PPIH: variants seen among roughly 807,000 people sequenced by gnomAD.
PPIH encodes the protein peptidylprolyl isomerase H.
In PPIH, 16 loss-of-function variants were observed where a neutral mutation model predicts 27.6. The ratio of observed to expected loss-of-function variants is 0.58; its 90% CI spans 0.39 to 0.88. The LOEUF is 0.88. Among genes scored for constraint, PPIH ranks in the 40% least tolerant of loss-of-function variants. PPIH has a pLI of 0.00. For missense variants in PPIH, 155 were observed against 224.1 expected (o/e 0.69, Z 1.97); for synonymous variants, 63 against 76.1 (o/e 0.83, Z 0.90).
At chr1:42,678,673 A>T (rs1185960617), downstream of PPIH, 1 of 152,318 alleles carries the variant, frequency 6.6e-6, no homozygotes, top group Non-Finnish European at 1.5e-5. Context: ...TGTTGGGATT[A>T]CAGGCGTGAG....
chr1:42,680,862 T>C (rs1427256549), downstream of PPIH, among the ~76,000 whole-genome samples: 1 of 152,242 alleles, frequency 6.6e-6, no homozygotes, highest in African/African-American at 2.4e-5. Context: ...AAGCTTATAT[T>C]ATTAACTATT....
chr1:42,663,203 C>T (rs1649139934), intron 5 of PPIH, among the ~76,000 whole-genome samples: 1 of 152,156 alleles, frequency 6.6e-6, no homozygotes. Flanking sequence ...TAGTTAATGA[C>T]ATATTAGCTT....
chr1:42,675,147 T>C (rs1649821281), intron 9 of PPIH: 1 of 152,272 alleles, frequency 6.6e-6, no homozygotes, highest in African/African-American at 2.4e-5. Flanking sequence ...AGACTGTGGA[T>C]AATACTTCTG....
At chr1:42,666,489 G>A (rs1198439965) in intron 7 of PPIH, 58 bp from the exon 8 acceptor site, 2 of 1,546,036 alleles carry the variant, frequency 1.3e-6, no homozygotes, top group Admixed American at 1.7e-5. Context: ...AATGGGCTTT[G>A]GAAGCTGGAA....
At chr1:42,679,513 A>G (rs1005694073), downstream of PPIH, among the ~76,000 whole-genome samples, 2 of 152,238 alleles carry the variant, frequency 1.3e-5, no homozygotes, top group Non-Finnish European at 2.9e-5. Context: ...GCTTATCCTC[A>G]GGCTCACTGA....
At chr1:42,663,647 G>A (rs1405975324) in intron 5 of PPIH, among the ~76,000 whole-genome samples, 11 of 152,056 alleles carry the variant, frequency 7.2e-5, no homozygotes, top group Non-Finnish European at 1.3e-4. Flanking sequence ...TGATCCACCC[G>A]CCTCAGCCTC....
intron 9 of PPIH, among the ~76,000 whole-genome samples, chr1:42,673,056 G>A (rs538612486): frequency 1.1e-4 from 17 of 151,870 alleles, no homozygotes; most frequent in South Asian, 1.0e-3. Flanking sequence ...GTGCAGTGGC[G>A]CAGTCACAGC....
chr1:42,662,616 A>C (rs1649102275), intron 5 of PPIH, among the ~76,000 whole-genome samples: 1 of 152,056 alleles, frequency 6.6e-6, no homozygotes, highest in Admixed American at 6.6e-5. Flanking sequence ...AATGAGCAAG[A>C]GTCAGAAAAA....
chr1:42,666,152 A>G (rs1416286997), intron 7 of PPIH, 85 bp downstream of exon 7: 23 of 1,315,554 alleles, frequency 1.7e-5, no homozygotes, highest in Admixed American at 8.5e-5. Context: ...ACTCTTACCA[A>G]GAAAGCTCAA....
downstream of PPIH, among the ~76,000 whole-genome samples, chr1:42,678,240 ACT>A (rs1406230651): frequency 2.0e-5 from 3 of 152,038 alleles, no homozygotes; most frequent in Admixed American, 6.6e-5. Flanking sequence ...GGTCAGCTGC[ACT>A]CTGTTACATC....
chr1:42,671,627 C>T (rs925573675), intron 9 of PPIH, among the ~76,000 whole-genome samples: 2 of 152,036 alleles, frequency 1.3e-5, no homozygotes, highest in South Asian at 2.1e-4. Context: ...TTCCTGTGCC[C>T]GGATAATGAG....
intron 6 of PPIH, among the ~76,000 whole-genome samples, chr1:42,665,712 TG>T (rs1361997198): frequency 2.6e-5 from 4 of 151,790 alleles, no homozygotes; most frequent in Non-Finnish European, 5.9e-5. Context: ...TAGCCAGGTG[TG>T]GTGACACACA....
chr1:42,670,378 G>T (rs78715571), intron 9 of PPIH, among the ~76,000 whole-genome samples: 1,982 of 152,176 alleles, frequency 0.013, 45 homozygotes, highest in African/African-American at 0.045. Flanking sequence ...ATCACTACCA[G>T]AGGACAAACG....
chr1:42,664,732 G>A (rs1570387818), intron 5 of PPIH, 131 bp from the exon 6 acceptor site: 1 of 685,694 alleles, frequency 1.5e-6, no homozygotes, highest in East Asian at 3.0e-5. Context: ...AATAGGTGCA[G>A]CTTCCAAGAT....
intron 5 of PPIH, 57 bp downstream of exon 5, chr1:42,660,961 T>C (rs764850222): frequency 2.1e-5 from 31 of 1,496,866 alleles, no homozygotes; most frequent in Admixed American, 1.0e-4. Flanking sequence ...GTTGTTATTG[T>C]TGCAATTGCT....
At chr1:42,665,584 A>G (rs1649287300) in intron 6 of PPIH, among the ~76,000 whole-genome samples, 1 of 152,130 alleles carries the variant, frequency 6.6e-6, no homozygotes, top group African/African-American at 2.4e-5. Context: ...TCACACCTGT[A>G]ATCCCAGCAC....
At chr1:42,673,535 A>C (rs1649745947) in intron 9 of PPIH, among the ~76,000 whole-genome samples, 1 of 152,222 alleles carries the variant, frequency 6.6e-6, no homozygotes, top group Admixed American at 6.5e-5. Context: ...ATTGTTGCCT[A>C]GATTCTCCAA....
At chr1:42,678,350 T>C (rs912074), downstream of PPIH, among the ~76,000 whole-genome samples, 73,557 of 151,944 alleles carry the variant, frequency 0.48, 18,001 homozygotes, top group African/African-American at 0.52. Flanking sequence ...TTTCAATGCA[T>C]GGTGGTATTA....
Position 42,673,187 on chromosome 1 carries a change from G to T in PPIH, c.*22-3397G>T, listed in dbSNP as rs559312954. Among the ~76,000 whole-genome samples the T allele has an allele frequency of 7.1e-3, 1,083 of 152,070 alleles. 7 individuals carry two copies. The highest frequency in any genetic ancestry group is 0.013 in the Non-Finnish European group (852 of 67,982). ...CTTTTTAGAGATGGGGTTTCACCAT[G>T]TTGTCCAGGCCGGTCTCAAACTCCT... On this transcript the variant is annotated intron_variant, in intron 9 of 9. Coordinates refer to ENST00000304979, the MANE Select transcript of PPIH (RefSeq NM_006347.4).
Sources: allele counts gnomAD v4.1 joint callset (sites outside exome capture counted in the v4.1 genomes callset), GRCh38; gene constraint gnomAD v4.1.1; transcripts MANE v1.5; gene names NCBI Gene and HGNC (gene_info 2026-07-23, HGNC 2026-07-21).